The following PLPPR5 variants were observed in gnomAD, a reference collection of about 807,000 sequenced individuals.
PLPPR5 encodes phospholipid phosphatase-related protein type 5.
A neutral mutation model predicts 33.9 loss-of-function variants in PLPPR5; 16 were observed. The ratio of observed to expected loss-of-function variants is 0.47; its 90% confidence interval spans 0.32 to 0.72. PLPPR5 has a LOEUF of 0.72. Ranked by LOEUF, PLPPR5 falls within the 30% of genes least tolerant of loss-of-function variation. PLPPR5 has a pLI of 0.03. For missense variants in PLPPR5, 301 were observed against 406.7 expected, an observed-to-expected ratio of 0.74 and a Z score of 2.23; for synonymous variants, 163 against 150.3, an observed-to-expected ratio of 1.08 and a Z score of -0.62.
intron 3 of PLPPR5, among the ~76,000 whole-genome samples, chr1:98,942,932 C>G (rs1206031665): frequency 2.6e-5 from 4 of 152,082 alleles, no homozygotes; most frequent in Non-Finnish European, 5.9e-5. Context: ...AGCTGGGTGT[C>G]TTAATATCCA....
chr1:98,952,165 AGGCAGG>A (rs1650807652), intron 3 of PLPPR5, among the ~76,000 whole-genome samples: 1 of 150,682 alleles, frequency 6.6e-6, no homozygotes, highest in Admixed American at 6.7e-5. Context: ...CGGAAGGCTG[AGGCAGG>A]AGAATGGGGT....
intron 3 of PLPPR5, among the ~76,000 whole-genome samples, chr1:98,951,100 T>C (rs1017955017): frequency 7.2e-5 from 11 of 152,342 alleles, no homozygotes; most frequent in African/African-American, 9.6e-5. Context: ...CTAGGTCACG[T>C]ATTTATATGC....
rs1649569926 is a variant in PLPPR5, at chr1:98,921,935, A to G, written c.745T>C (p.Trp249Arg). ...LNRVAEYRNH[W>R]SDVIAGFLVG... ...AGAAAGCCTGCTATAACATCTGACC[A>G]ATGATTTCGATATTCTGCTACTCTG... Residue 249 changes from tryptophan (W) to arginine (R), a missense_variant, in exon 4 of 6, where the codon TGG becomes CGG. Trp to Arg is a moderately radical substitution (Grantham distance 101). Transcript: ENST00000263177. The G allele has an allele frequency of 3.7e-6, 6 of 1,613,912 alleles. No homozygotes were observed. The highest frequency in any genetic ancestry group is 4.2e-6 in the Non-Finnish European group (5 of 1,179,962).
intron 1 of PLPPR5, among the ~76,000 whole-genome samples, chr1:98,976,341 T>G (rs576497354): frequency 6.6e-6 from 1 of 152,028 alleles, no homozygotes; most frequent in African/African-American, 2.4e-5. Flanking sequence ...CTAACATTGA[T>G]GAAAAAGTGT....
chr1:98,896,815 T>C (rs1357905630), intron 5 of PLPPR5, among the ~76,000 whole-genome samples: 1 of 151,780 alleles, frequency 6.6e-6, no homozygotes. Context: ...ATTCTACACC[T>C]CCACATAGAA....
chr1:98,936,476 T>A (rs577671500), intron 3 of PLPPR5, among the ~76,000 whole-genome samples: 2 of 152,220 alleles, frequency 1.3e-5, no homozygotes, highest in Non-Finnish European at 2.9e-5. Flanking sequence ...ATGTTAGAAG[T>A]ACTCAGAATT....
At chr1:98,910,609 A>G (rs1649082641) in intron 5 of PLPPR5, among the ~76,000 whole-genome samples, 2 of 152,334 alleles carry the variant, frequency 1.3e-5, no homozygotes, top group South Asian at 2.1e-4. Context: ...AAGCATGATA[A>G]TTATCTGCCC....
At chr1:98,915,342 AT>A in intron 4 of PLPPR5, among the ~76,000 whole-genome samples, 1 of 152,276 alleles carries the variant, frequency 6.6e-6, no homozygotes, top group South Asian at 2.1e-4. Context: ...GTATCATTAT[AT>A]TCATAATAAA....
At chr1:98,991,470 A>G (rs1192495661) in intron 1 of PLPPR5, among the ~76,000 whole-genome samples, 1 of 152,180 alleles carries the variant, frequency 6.6e-6, no homozygotes, top group African/African-American at 2.4e-5. Context: ...CACTCAAAAT[A>G]CATCATTCAG....
chr1:98,966,849 GAGCTCTACAGACAGT>G (rs1651466775), intron 1 of PLPPR5, among the ~76,000 whole-genome samples: 2 of 152,080 alleles, frequency 1.3e-5, no homozygotes, highest in Non-Finnish European at 2.9e-5. Flanking sequence ...TCTATTTTGA[GAGCTCTACAGACAGT>G]AGCTCTCAAA....
At chr1:98,990,354 G>A (rs1296379223) in intron 1 of PLPPR5, among the ~76,000 whole-genome samples, 1 of 152,046 alleles carries the variant, frequency 6.6e-6, no homozygotes, top group Admixed American at 6.6e-5. Flanking sequence ...GGGTGACAGA[G>A]TAAGGAGGCT....
intron 5 of PLPPR5, among the ~76,000 whole-genome samples, chr1:98,905,743 A>G (rs1648871293): frequency 6.6e-6 from 1 of 152,148 alleles, no homozygotes; most frequent in Admixed American, 6.6e-5. Context: ...CAATTCATTC[A>G]TATCCTAATT....
At chr1:98,989,171 A>C (rs899212456) in intron 1 of PLPPR5, among the ~76,000 whole-genome samples, 2 of 152,102 alleles carry the variant, frequency 1.3e-5, no homozygotes, top group African/African-American at 4.8e-5. Flanking sequence ...GTTAATAAAC[A>C]GCCTATTTGG....
chr1:98,966,892 C>T (rs1229137014), intron 1 of PLPPR5, among the ~76,000 whole-genome samples: 2 of 152,142 alleles, frequency 1.3e-5, no homozygotes, highest in African/African-American at 2.4e-5. Flanking sequence ...CCTGAACCAA[C>T]AGTATCAGCA....
intron 3 of PLPPR5, 80 bp downstream of exon 3, chr1:98,952,990 T>C: frequency 4.6e-6 from 7 of 1,525,082 alleles, no homozygotes; most frequent in Non-Finnish European, 5.3e-6. Flanking sequence ...ACTTTCATTA[T>C]GGCAGAGAAA....
chr1:98,959,659 C>A (rs1381703756), intron 1 of PLPPR5, among the ~76,000 whole-genome samples: 1 of 152,124 alleles, frequency 6.6e-6, no homozygotes, highest in Admixed American at 6.5e-5. Context: ...ATGATTTCCC[C>A]AGTTGTCTTC....
At chr1:98,910,342 A>G (rs141256435) in intron 5 of PLPPR5, among the ~76,000 whole-genome samples, 2,052 of 152,306 alleles carry the variant, frequency 0.013, 18 homozygotes, top group Middle Eastern at 0.017. Context: ...GTTTACTAGT[A>G]TGAGCCATAA....
chr1:98,996,406 T>G (rs1436772138), intron 1 of PLPPR5, among the ~76,000 whole-genome samples: 1 of 151,898 alleles, frequency 6.6e-6, no homozygotes, highest in Non-Finnish European at 1.5e-5. Context: ...GTCCTGTTTT[T>G]GCCACCAAAA....
At chr1:98,904,526 T>G (rs1349995834) in intron 5 of PLPPR5, among the ~76,000 whole-genome samples, 3 of 152,198 alleles carry the variant, frequency 2.0e-5, no homozygotes, top group Non-Finnish European at 1.5e-5. Context: ...TTTTAAATAT[T>G]TTTGTTCTTT....
Sources: gnomAD v4.1 joint callset for allele counts (sites outside exome capture counted in the v4.1 genomes callset) on GRCh38, gnomAD v4.1.1 for gene constraint, MANE v1.5 for transcripts, NCBI Gene and HGNC (gene_info 2026-07-23, HGNC 2026-07-21) for gene names.